The following SIPA1L3 variants were observed in gnomAD, a reference collection of about 807,000 sequenced individuals.
The protein encoded by SIPA1L3 is signal induced proliferation associated 1 like 3, also known as signal-induced proliferation-associated 1-like protein 3.
A neutral mutation model predicts 150.1 loss-of-function variants in SIPA1L3; 59 were observed. The ratio of observed to expected loss-of-function variants is 0.39; its 90% CI spans 0.32 to 0.49. The LOEUF (loss-of-function observed/expected upper bound fraction) is 0.49, where lower values mean the gene tolerates loss of function less well. Ranked by LOEUF, SIPA1L3 falls within the 20% of genes least tolerant of loss-of-function variation. The probability of loss-of-function intolerance (pLI) is 0.86; values close to 1 mark genes in which losing one functional copy is unlikely to be tolerated. For missense variants in SIPA1L3, 2,211 were observed against 2,489.5 expected (o/e 0.89, Z 2.38); for synonymous variants, 1,070 against 1,077.6 (o/e 0.99, Z 0.14).
At chr19:37,934,137 C>T (rs540134890) in intron 1 of SIPA1L3, among the ~76,000 whole-genome samples, 26 of 152,252 alleles carry the variant, frequency 1.7e-4, no homozygotes, top group Admixed American at 4.6e-4. Flanking sequence ...TTCTAGCTCC[C>T]GGTGTCAGCA....
At chr19:38,011,575 G>C (rs1007452182) in intron 1 of SIPA1L3, among the ~76,000 whole-genome samples, 4 of 152,230 alleles carry the variant, frequency 2.6e-5, no homozygotes, top group African/African-American at 4.8e-5. Flanking sequence ...AGACCTCCCT[G>C]GGGAAGCCTG....
chr19:37,927,770 C>G (rs1175059803), intron 1 of SIPA1L3, among the ~76,000 whole-genome samples: 1 of 151,706 alleles, frequency 6.6e-6, no homozygotes, highest in Non-Finnish European at 1.5e-5. Context: ...TGTTTAGCAT[C>G]CCACTTAGAA....
chr19:38,181,863 A>AAAG lies in SIPA1L3; in HGVS notation c.4209-656_4209-655insAAG, dbSNP rs1250744097. Among the ~76,000 whole-genome samples the AAAG allele has an allele frequency of 3.1e-4, 45 of 145,956 alleles. 1 individual carries two copies. The highest frequency in any genetic ancestry group is 1.1e-3 in the African/African-American group (43 of 38,354). On this transcript the variant is annotated intron_variant, in intron 15 of 21. Transcript: ENST00000222345. The stretch of plus-strand genomic sequence containing the variant: ...TCTGTCTCAAAAAAAAAAAAAAAAA[A>AAAG]GGTTAAGGGCCAGGCCCAGTGGCTC...
chr19:38,035,314 C>G lies in SIPA1L3; in HGVS notation c.-311+6158C>G, dbSNP rs979987004. Among the ~76,000 whole-genome samples, 9 of 152,306 alleles carry G rather than the reference C, an allele frequency of 5.9e-5. No homozygotes were observed. In the East Asian group the frequency reaches 1.7e-3, roughly 29 times the overall value. On this transcript the variant is annotated intron_variant, in intron 2 of 21. Transcript: ENST00000222345. ...CCAACCATCATTGATTGGGCACCTC[C>G]CATGTTCCTGCTCCTCTTGCTGGGC...
At chr19:37,953,858 G>C (rs1247353503) in intron 1 of SIPA1L3, among the ~76,000 whole-genome samples, 1 of 152,082 alleles carries the variant, frequency 6.6e-6, no homozygotes, top group African/African-American at 2.4e-5. Flanking sequence ...TTAGGGCATG[G>C]GTTAGCCAGG....
chr19:37,923,523 A>C (rs1031497128), intron 1 of SIPA1L3, among the ~76,000 whole-genome samples: 2 of 152,202 alleles, frequency 1.3e-5, no homozygotes, highest in Non-Finnish European at 2.9e-5. Flanking sequence ...TGTACAGGGC[A>C]CTTACCGTGG....
intron 20 of SIPA1L3, among the ~76,000 whole-genome samples, chr19:38,202,513 G>A (rs1973111347): frequency 2.0e-5 from 3 of 152,024 alleles, no homozygotes; most frequent in African/African-American, 4.8e-5. Context: ...GCTTGAACCC[G>A]GGAGGCGAAG....
At chr19:37,952,602 G>A (rs1188120029) in intron 1 of SIPA1L3, among the ~76,000 whole-genome samples, 1 of 151,984 alleles carries the variant, frequency 6.6e-6, no homozygotes. Context: ...GAACCCGGGT[G>A]GTGAAGGTTG....
At chr19:38,163,489 CAA>C (rs34366358) in intron 14 of SIPA1L3, among the ~76,000 whole-genome samples, 6 of 51,308 alleles carry the variant, frequency 1.2e-4, no homozygotes, top group African/African-American at 1.5e-4. Context: ...GACTCTATCT[CAA>C]AAAAAAAAAA....
intron 1 of SIPA1L3, among the ~76,000 whole-genome samples, chr19:37,961,833 C>T (rs928440651): frequency 6.6e-6 from 1 of 152,078 alleles, no homozygotes; most frequent in African/African-American, 2.4e-5. Context: ...TATTTAAATT[C>T]TGTACAGATT....
At chr19:37,922,637 C>G (rs2046466756) in intron 1 of SIPA1L3, among the ~76,000 whole-genome samples, 2 of 151,440 alleles carry the variant, frequency 1.3e-5, no homozygotes, top group African/African-American at 4.8e-5. Flanking sequence ...TCTTGATCAG[C>G]CTGCCTCGGC....
intron 1 of SIPA1L3, among the ~76,000 whole-genome samples, chr19:37,985,313 C>T (rs1967320408): frequency 6.6e-6 from 1 of 151,966 alleles, no homozygotes; most frequent in African/African-American, 2.4e-5. Flanking sequence ...CCTCCCACCT[C>T]AGCCTCCTGA....
intron 6 of SIPA1L3, among the ~76,000 whole-genome samples, 174 bp downstream of exon 6, chr19:38,101,400 C>CTTG (rs10567552): frequency 1.8e-3 from 274 of 151,936 alleles, no homozygotes; most frequent in Middle Eastern, 3.4e-3. Flanking sequence ...TGTTGTTGTA[C>CTTG]TTGTTGTTGT....
intron 16 of SIPA1L3, 39 bp downstream of exon 16, chr19:38,182,779 C>A: frequency 6.8e-7 from 1 of 1,468,100 alleles, no homozygotes; most frequent in Non-Finnish European, 9.3e-7. Context: ...CCGCCAGATC[C>A]ACACCAGGGC....
intron 2 of SIPA1L3, among the ~76,000 whole-genome samples, chr19:38,054,072 C>T (rs772214360): frequency 8.5e-5 from 13 of 152,052 alleles, no homozygotes; most frequent in African/African-American, 1.2e-4. Flanking sequence ...GTGCCCTTAA[C>T]GGTGGCTCAT....
intron 16 of SIPA1L3, among the ~76,000 whole-genome samples, chr19:38,189,315 G>A (rs758631573): frequency 6.6e-6 from 1 of 151,868 alleles, no homozygotes; most frequent in African/African-American, 2.4e-5. Context: ...GTAGAGGTGA[G>A]ATCTCACTGT....
At chr19:37,931,590 TA>T (rs141487119) in intron 1 of SIPA1L3, among the ~76,000 whole-genome samples, 2 of 146,396 alleles carry the variant, frequency 1.4e-5, no homozygotes, top group Admixed American at 6.8e-5. Context: ...TTAATAAAAA[TA>T]AAAAAAAAAG....
At chr19:38,050,329 G>A (rs557783700) in intron 2 of SIPA1L3, among the ~76,000 whole-genome samples, 1 of 152,040 alleles carries the variant, frequency 6.6e-6, no homozygotes, top group East Asian at 1.9e-4. Flanking sequence ...GGTGGCGCAT[G>A]CCTGTAATCC....
intron 21 of SIPA1L3, 52 bp downstream of exon 21, chr19:38,204,260 G>A: frequency 6.8e-7 from 1 of 1,480,618 alleles, no homozygotes; most frequent in South Asian, 1.2e-5. Flanking sequence ...CACTGGGCAG[G>A]GCAGTCAGCA....
Sources: allele counts gnomAD v4.1 joint callset (sites outside exome capture counted in the v4.1 genomes callset), GRCh38; gene constraint gnomAD v4.1.1; transcripts MANE v1.5; gene names NCBI Gene and HGNC (gene_info 2026-07-23, HGNC 2026-07-21).